Variants in IGF2BP2 observed in about 807,000 individuals in gnomAD.
IGF2BP2 encodes insulin like growth factor 2 mRNA binding protein 2.
In IGF2BP2, 17 loss-of-function variants were observed where a neutral mutation model predicts 75.8. The ratio of observed to expected loss-of-function variants is 0.22; its 90% CI spans 0.15 to 0.34. IGF2BP2 has a LOEUF of 0.34. Among genes scored for constraint, IGF2BP2 ranks in the 10% least tolerant of loss-of-function variants. The pLI is 1.00. For missense variants in IGF2BP2, 516 were observed against 772.4 expected (o/e 0.67, Z 3.93); for synonymous variants, 288 against 295.6 (o/e 0.97, Z 0.26).
intron 10 of IGF2BP2, among the ~76,000 whole-genome samples, chr3:185,668,088 A>T (rs1012244439): frequency 6.6e-6 from 1 of 152,238 alleles, no homozygotes; most frequent in African/African-American, 2.4e-5. Context: ...AATATAATCC[A>T]CAATATCTTC....
chr3:185,658,390 G>C lies in IGF2BP2; in HGVS notation c.1220C>G (p.Ser407Cys), dbSNP rs1426197550. 4.3e-6 allele frequency: 7 copies of C among 1,613,918 alleles called. No homozygotes were observed. The Admixed American group carries it at 1.2e-4, about 27-fold the overall frequency. Reference protein sequence around the residue: ...HPFTTHSGYFSSLYPHHQFGP... With the variant: ...HPFTTHSGYFCSLYPHHQFGP... ...AAACTGGTGATGGGGGTACAGGCTG[G>C]AGAAGTATCCGGAGTGGGTCTGCAG... The change falls in exon 11 of 16, where the codon TCC becomes TGC. Residue 407 changes from serine (S) to cysteine (C), a missense_variant. Transcript: ENST00000382199.
chr3:185,779,222 C>G (rs977157131), intron 2 of IGF2BP2, among the ~76,000 whole-genome samples: 2 of 152,078 alleles, frequency 1.3e-5, no homozygotes, highest in African/African-American at 4.8e-5. Context: ...AAAGGCATGG[C>G]AGCATGTACC....
chr3:185,812,973 T>G (rs1740108934), intron 2 of IGF2BP2, among the ~76,000 whole-genome samples: 1 of 152,216 alleles, frequency 6.6e-6, no homozygotes. Flanking sequence ...CTAAATCATT[T>G]TCTTGAAACC....
intron 2 of IGF2BP2, among the ~76,000 whole-genome samples, chr3:185,705,425 A>C (rs1458533701): frequency 1.3e-5 from 2 of 152,190 alleles, no homozygotes; most frequent in Non-Finnish European, 2.9e-5. Flanking sequence ...GGAGAACTGC[A>C]GTTATGAACC....
At chr3:185,772,691 C>T (rs1378661476) in intron 2 of IGF2BP2, among the ~76,000 whole-genome samples, 1 of 151,356 alleles carries the variant, frequency 6.6e-6, no homozygotes, top group Non-Finnish European at 1.5e-5. Flanking sequence ...AAGCGATTCT[C>T]CTGTCTCAGC....
intron 10 of IGF2BP2, among the ~76,000 whole-genome samples, chr3:185,665,554 G>A (rs544328808): frequency 6.8e-4 from 100 of 146,152 alleles, no homozygotes; most frequent in Non-Finnish European, 9.2e-4. Flanking sequence ...GGAGAAGGAG[G>A]AGGAGAAGGA....
chr3:185,712,188 T>G (rs1039551922), intron 2 of IGF2BP2, among the ~76,000 whole-genome samples: 1 of 152,202 alleles, frequency 6.6e-6, no homozygotes, highest in African/African-American at 2.4e-5. Context: ...AGATTATGCT[T>G]ATTTTTTATT....
intron 2 of IGF2BP2, among the ~76,000 whole-genome samples, chr3:185,789,700 G>A (rs1328683107): frequency 2.7e-5 from 4 of 145,484 alleles, no homozygotes; most frequent in Non-Finnish European, 6.0e-5. Flanking sequence ...GCTAGACTAT[G>A]TGAGTTTCTG....
chr3:185,693,756 G>A (rs1405460692), intron 4 of IGF2BP2, among the ~76,000 whole-genome samples: 1 of 152,144 alleles, frequency 6.6e-6, no homozygotes, highest in South Asian at 2.1e-4. Flanking sequence ...CCCTTTAAAA[G>A]ATTTAAGCTG....
chr3:185,745,879 A>G (rs543586641), intron 2 of IGF2BP2, among the ~76,000 whole-genome samples: 1 of 145,574 alleles, frequency 6.9e-6, no homozygotes, highest in Non-Finnish European at 1.5e-5. Flanking sequence ...TGTACATAAG[A>G]AAAAAAAAAA....
intron 2 of IGF2BP2, among the ~76,000 whole-genome samples, chr3:185,715,853 C>T (rs1460550501): frequency 1.3e-5 from 2 of 152,068 alleles, no homozygotes; most frequent in Admixed American, 6.6e-5. Context: ...GCCATGTTGG[C>T]CAGGCTGGTC....
intron 10 of IGF2BP2, among the ~76,000 whole-genome samples, chr3:185,670,325 G>A (rs890653926): frequency 1.3e-5 from 2 of 152,096 alleles, no homozygotes; most frequent in African/African-American, 4.8e-5. Flanking sequence ...ATTTAGTTCA[G>A]GGGTCAGCAA....
At chr3:185,721,566 C>T (rs1221030881) in intron 2 of IGF2BP2, among the ~76,000 whole-genome samples, 1 of 152,052 alleles carries the variant, frequency 6.6e-6, no homozygotes, top group African/African-American at 2.4e-5. Context: ...AATTTTGCTA[C>T]CTCCTCATCT....
chr3:185,755,424 C>T (rs1240934375), intron 2 of IGF2BP2, among the ~76,000 whole-genome samples: 1 of 152,202 alleles, frequency 6.6e-6, no homozygotes, highest in Non-Finnish European at 1.5e-5. Context: ...TGTATAGGAG[C>T]CCCCACATAG....
rs969115228 is a variant in IGF2BP2, at chr3:185,647,284, C to CG, written c.1594-147dup. 3 of 659,326 alleles carry CG rather than the reference C, an allele frequency of 4.6e-6. No homozygotes were observed. Among genetic ancestry groups the CG allele is most frequent in the Admixed American group, 2.3e-5 (1 of 44,030 alleles). 40.8% of individuals were successfully genotyped at this position (659,326 alleles called of 1,614,324 possible). ...TCCTTTCCTTTTATCAAGGACACCC[C>CG]GGGGGCTCCTCTGCCCCTGAGCACA... On this transcript the variant is annotated intron_variant, in intron 14 of 15. Transcript: ENST00000382199. The surrounding 1 kb of genome is among the most constrained non-coding windows in gnomAD (Gnocchi z 4.9).
chr3:185,778,138 T>C (rs1176613263), intron 2 of IGF2BP2, among the ~76,000 whole-genome samples: 2 of 152,186 alleles, frequency 1.3e-5, no homozygotes, highest in Non-Finnish European at 2.9e-5. Flanking sequence ...CATTCATTCA[T>C]TCATTTTCCA....
Position 185,689,425 on chromosome 3 carries a change from G to A in IGF2BP2, c.607C>T (p.Gln203Ter). ...DFPLRILVPT[Q>*]FVGAIIGKEG... Reference sequence around the variant, plus strand: ...TTTCCGATGATGGCACCAACAAACTGGGTGGGGACCAGGATCCGCAGCGGG... The same window carrying A: ...TTTCCGATGATGGCACCAACAAACTAGGTGGGGACCAGGATCCGCAGCGGG... The change falls in exon 6 of 16, where the codon CAG (glutamine) becomes TAG (stop). Residue 203 changes from glutamine (Q) to a stop codon, truncating the protein, a stop_gained. Coordinates refer to ENST00000382199, the MANE Select transcript of IGF2BP2 (RefSeq NM_006548.6). LOFTEE classifies it high-confidence loss of function. 6.2e-7 allele frequency: 1 copy of A among 1,614,028 alleles called. No homozygotes were observed. Among genetic ancestry groups the A allele is most frequent in the Non-Finnish European group, 8.5e-7 (1 of 1,179,978 alleles).
intron 2 of IGF2BP2, among the ~76,000 whole-genome samples, chr3:185,820,316 T>A (rs998654327): frequency 7.3e-5 from 11 of 151,578 alleles, no homozygotes; most frequent in African/African-American, 2.7e-4. Context: ...AAATGAAATT[T>A]CTGTCAAGGA....
chr3:185,685,271 C>T (rs1055685461), intron 7 of IGF2BP2, among the ~76,000 whole-genome samples: 15 of 151,858 alleles, frequency 9.9e-5, no homozygotes, highest in Non-Finnish European at 1.5e-4. Flanking sequence ...TTGCTTGAAC[C>T]CGGGAGACGG....
Sources: gnomAD v4.1 joint callset for allele counts (sites outside exome capture counted in the v4.1 genomes callset) on GRCh38, gnomAD v4.1.1 for gene constraint, Gnocchi (gnomAD v3.1) non-coding constraint, MANE v1.5 for transcripts, NCBI Gene and HGNC (gene_info 2026-07-23, HGNC 2026-07-21) for gene names.